SPTBN5: variants seen among roughly 807,000 people sequenced by gnomAD.
SPTBN5 encodes spectrin beta chain, non-erythrocytic 5.
A neutral mutation model predicts 477.6 loss-of-function variants in SPTBN5; 513 were observed. That is an observed-to-expected ratio of 1.07 (90% CI 1.00 to 1.16). The LOEUF is 1.16. SPTBN5 is among the 50% of genes most tolerant of loss of function. The pLI is 0.00. For missense variants in SPTBN5, 5,062 were observed against 4,731.8 expected, an observed-to-expected ratio of 1.07 and a Z score of -2.05; for synonymous variants, 2,169 against 2,011.7, an observed-to-expected ratio of 1.08 and a Z score of -2.09.
chr15:41,866,655 G>A (rs2066327446), intron 36 of SPTBN5, 162 bp from the exon 37 acceptor site: 2 of 906,832 alleles, frequency 2.2e-6, no homozygotes, highest in Admixed American at 3.4e-5. Flanking sequence ...GGTTGCTGCA[G>A]GAGGCAGCCG....
chr15:41,886,974 C>T (rs904665107), intron 6 of SPTBN5, among the ~76,000 whole-genome samples: 3 of 152,262 alleles, frequency 2.0e-5, no homozygotes, highest in Admixed American at 1.3e-4. Context: ...AGGGCCATTC[C>T]TCCCCTGGCT....
Position 41,854,044 on chromosome 15 carries a change from C to A in SPTBN5, c.9774+6G>T. The A allele has an allele frequency of 6.4e-7, 1 of 1,556,974 alleles. No individual in the cohort carries two copies. Among genetic ancestry groups the A allele is most frequent in the Non-Finnish European group, 8.7e-7 (1 of 1,155,326 alleles). ...AGACAGGCAGGCTGCAGGGCGTGGG[C>A]CTCACCTCCAGGCGCCTGTGCTGTT... On this transcript the variant is annotated splice_donor_region_variant and intron_variant, in intron 57 of 67. Transcript: ENST00000320955.
rs1291938417 is a variant in SPTBN5, at chr15:41,866,191, G to A, written c.6669C>T (p.Ala2223=). Residue 2223 remains alanine (A), a synonymous_variant, in exon 38 of 68, where the codon GCC becomes GCT. Transcript: ENST00000320955. ...EALLAQSHPR[A]GEVSQRLQGL... is the part of the protein sequence containing the mutation. ...CCTGCAGCCGCTGGGAGACCTCTCC[G>A]GCTCGAGGGTGACTCTGTGCCAGGA... is the stretch of plus-strand genomic sequence containing the variant. The A allele has an allele frequency of 8.2e-6, 13 of 1,580,242 alleles. No individual in the cohort carries two copies. Among genetic ancestry groups the A allele is most frequent in the Middle Eastern group, 3.3e-4 (2 of 6,030 alleles).
rs1230662376 is a variant in SPTBN5, at chr15:41,893,011, G to C, written c.267C>G (p.His89Gln). 1.2e-6 allele frequency: 2 copies of C among 1,611,228 alleles called. No individual in the cohort carries two copies. Among genetic ancestry groups the C allele is most frequent in the Non-Finnish European group, 8.5e-7 (1 of 1,179,784 alleles). ...NLYTELADGI[H>Q]LLRLLELISG... The stretch of plus-strand genomic sequence containing the variant: ...AGATGAGCTCCAGCAGCCGCAGGAG[G>C]TGGATGCCGTCAGCCAGCTCTGTGT... The change falls in exon 3 of 68, where the codon CAC becomes CAG. Residue 89 changes from histidine (H) to glutamine (Q), a missense_variant. His to Gln is a conservative substitution (Grantham distance 24). Transcript: ENST00000320955.
chr15:41,852,710 A>C lies in SPTBN5; in HGVS notation c.10373T>G (p.Leu3458Arg), dbSNP rs2065806876. The C allele has an allele frequency of 6.2e-7, 1 of 1,613,318 alleles. No individual in the cohort carries two copies. Among genetic ancestry groups the C allele is most frequent in the East Asian group, 2.2e-5 (1 of 44,878 alleles). Reference protein sequence around the residue: ...YGHSVSDVELLLHRHQDLEKL... With the variant: ...YGHSVSDVELRLHRHQDLEKL... The stretch of plus-strand genomic sequence containing the variant: ...TTCTAAGTCCTGGTGTCTGTGCAGC[A>C]GCAACTCCACATCTGACACTGAGTG... The change falls in exon 61 of 68, where the codon CTG becomes CGG. Residue 3458 changes from leucine (L) to arginine (R), a missense_variant. Physicochemically the swap from Leu to Arg is moderately radical, Grantham distance 102 (BLOSUM62 -2). Transcript: ENST00000320955.
intron 9 of SPTBN5, 126 bp downstream of exon 9, chr15:41,882,870 A>T: frequency 1.5e-6 from 2 of 1,366,782 alleles, no homozygotes; most frequent in East Asian, 2.5e-5. Flanking sequence ...GGTGAGACGG[A>T]GGCTTTGGAA....
In SPTBN5 at chr15:41,876,665, G is replaced by C; in HGVS notation, c.3852-18C>G. The stretch of plus-strand genomic sequence containing the variant: ...CTCTGACCCTGGAGGGCGGGGGGGG[G>C]TTGGAGGAGGGCATGGGAGAGGACT... On this transcript the variant is annotated intron_variant, in intron 19 of 67. Coordinates refer to ENST00000320955, the MANE Select transcript of SPTBN5 (RefSeq NM_016642.4). 3.1e-6 allele frequency: 4 copies of C among 1,292,940 alleles called. No individual in the cohort carries two copies. The highest frequency in any genetic ancestry group is 4.4e-6 in the Non-Finnish European group (4 of 904,826). The allele number at this position is 1,292,940 out of a possible 1,614,324, so 80.1% of individuals were successfully genotyped here. A position where few individuals can be genotyped will look rare whatever the true frequency, so the allele number is the denominator to read the frequency against.
chr15:41,855,796 C>G, intron 53 of SPTBN5, 51 bp from the exon 54 acceptor site: 6 of 1,468,550 alleles, frequency 4.1e-6, no homozygotes, highest in Non-Finnish European at 5.4e-6. Flanking sequence ...CTCCAGGGCT[C>G]AGGATTTACA....
Position 41,852,860 on chromosome 15 carries a change from G to A in SPTBN5, c.10311C>T (p.Ala3437=), listed in dbSNP as rs915811857. Residue 3437 remains alanine, a synonymous_variant, in exon 60 of 68, where the codon GCC becomes GCT. Transcript: ENST00000320955. The stretch of plus-strand genomic sequence containing the variant: ...GCTTCAGCAGGAGTCCCTCCCAGCA[G>A]GCCAGCCAGGCCTCAGCCTGCTCCA... ...QRLEQAEAWL[A]CWEGLLLKPD... 22 of 1,607,618 alleles carry A rather than the reference G, an allele frequency of 1.4e-5. No homozygotes were observed. The highest frequency in any genetic ancestry group is 1.8e-5 in the Non-Finnish European group (21 of 1,176,298).
intron 41 of SPTBN5, 46 bp downstream of exon 41, chr15:41,863,658 C>A (rs749923646): frequency 3.3e-6 from 5 of 1,495,040 alleles, no homozygotes; most frequent in Non-Finnish European, 4.6e-6. Flanking sequence ...CCTCCCCTGA[C>A]TGCATTTGCT....
intron 20 of SPTBN5, 58 bp downstream of exon 20, chr15:41,876,490 T>C: frequency 2.7e-6 from 4 of 1,472,068 alleles, no homozygotes; most frequent in East Asian, 4.9e-5. Context: ...CAGAGCTCTG[T>C]ACGGTCTCAG....
chr15:41,873,609 C>T lies in SPTBN5; in HGVS notation c.4891-1G>A. On this transcript the variant is annotated splice_acceptor_variant, in intron 25 of 67. Coordinates refer to ENST00000320955, the MANE Select transcript of SPTBN5 (RefSeq NM_016642.4). LOFTEE classifies it high-confidence loss of function. ...CCAGCTCTGACACATCCAGAAAGTA[C>T]TGCCAAGAGTGGGGCCAACTCACCT... 6.4e-7 allele frequency: 1 copy of T among 1,551,012 alleles called. No homozygotes were observed. The highest frequency in any genetic ancestry group is 8.7e-7 in the Non-Finnish European group (1 of 1,146,860).
chr15:41,863,921 T>C lies in SPTBN5; in HGVS notation c.7022A>G (p.Gln2341Arg). 1 of 1,613,886 alleles carries C rather than the reference T, an allele frequency of 6.2e-7. No individual in the cohort carries two copies. Among genetic ancestry groups the C allele is most frequent in the African/African-American group, 1.3e-5 (1 of 75,062 alleles). Residue 2341 changes from glutamine to arginine, a missense_variant, in exon 40 of 68, where the codon CAG becomes CGG. Gln to Arg is a conservative substitution (Grantham distance 43). Transcript: ENST00000320955. ...GCCTGGGACTGGCCTGTTGTTGAGCTGGCTTCGCCGCTGGCAGATGATCTT... is the reference window on the plus strand; with the variant it reads ...GCCTGGGACTGGCCTGTTGTTGAGCCGGCTTCGCCGCTGGCAGATGATCTT... ...EVKIICQRRS[Q>R]LNNRWASFHG...
At chr15:41,860,450 C>G in intron 47 of SPTBN5, 136 bp downstream of exon 47, 5 of 966,754 alleles carry the variant, frequency 5.2e-6, no homozygotes, top group Middle Eastern at 7.3e-4. Flanking sequence ...TGGGGACCCC[C>G]GGCATCTGAC....
rs2066136046 is a variant in SPTBN5 at position 41,862,240 on chromosome 15, G to A, written c.7438C>T (p.Gln2480Ter). ...HQAQKLQAML[Q>*]ELLVSAQRLR... Reference sequence around the variant, plus strand: ...CTCTGGGCGCTGACCAGCAATTCCTGCAGCATTGCCTGGAGTTTCTGAGCT... The same window carrying A: ...CTCTGGGCGCTGACCAGCAATTCCTACAGCATTGCCTGGAGTTTCTGAGCT... Residue 2480 changes from glutamine (Q) to a stop codon, truncating the protein, a stop_gained, in exon 44 of 68, where the codon CAG becomes TAG. Transcript: ENST00000320955. LOFTEE classifies it high-confidence loss of function. The A allele has an allele frequency of 6.2e-7, 1 of 1,611,272 alleles. No individual in the cohort carries two copies. The highest frequency in any genetic ancestry group is 8.5e-7 in the Non-Finnish European group (1 of 1,179,032).
Position 41,851,123 on chromosome 15 carries a change from G to C in SPTBN5, c.10771C>G (p.Leu3591Val). The change falls in exon 65 of 68, where the codon CTC becomes GTC. Residue 3591 changes from leucine to valine, a missense_variant. Physicochemically the swap from Leu to Val is conservative, Grantham distance 32. Coordinates refer to ENST00000320955, the MANE Select transcript of SPTBN5 (RefSeq NM_016642.4). ...AGCCTCTCACACCGGGCTCCCGTGA[G>C]GTCAAGGAGGGCTATGGAAGCTACT... is the stretch of plus-strand genomic sequence containing the variant. ...EKVASIALLD[L>V]TGARCERLRG... 1 of 1,613,290 alleles carries C rather than the reference G, an allele frequency of 6.2e-7. No homozygotes were observed. Among genetic ancestry groups the C allele is most frequent in the Non-Finnish European group, 8.5e-7 (1 of 1,179,816 alleles).
chr15:41,854,798 A>T lies in SPTBN5; in HGVS notation c.9602T>A (p.Ile3201Lys), dbSNP rs756654495. ...EAAWERLDQA[I>K]KARTENLAAA... is the part of the protein sequence containing the mutation. ...ATCACCTACCTCTGTGCGGGCTTTTATTGCTTGGTCCAACCTCTCCCAAGC... is the reference window on the plus strand; with the variant it reads ...ATCACCTACCTCTGTGCGGGCTTTTTTTGCTTGGTCCAACCTCTCCCAAGC... The change falls in exon 56 of 68, where the codon ATA (isoleucine) becomes AAA (lysine). Residue 3201 changes from isoleucine to lysine, a missense_variant. Ile to Lys is a moderately radical substitution (Grantham distance 102, BLOSUM62 -3). Transcript: ENST00000320955. 9.7e-6 allele frequency: 15 copies of T among 1,547,974 alleles called. No individual in the cohort carries two copies. In the Admixed American group the frequency reaches 3.1e-4, roughly 32 times the overall value.
intron 34 of SPTBN5, 27 bp downstream of exon 34, chr15:41,868,042 G>C (rs754971224): frequency 6.3e-7 from 1 of 1,581,892 alleles, no homozygotes; most frequent in South Asian, 1.1e-5. Context: ...GAGGCTGAGC[G>C]GAGTGTGAGG....
rs528038832 is a variant in SPTBN5, at chr15:41,890,103, T to A, written c.487A>T (p.Ile163Phe). Residue 163 changes from isoleucine to phenylalanine, a missense_variant, in exon 4 of 68, where the codon ATC becomes TTC. By Grantham distance (21) the Ile-to-Phe change is conservative (BLOSUM62 0). Transcript: ENST00000320955. ...CTGAGCCATACCTTGTCCAAGGAGA[T>A]GTGGGAGATCTGGAAACGCAGAATG... ...VIILRFQISH[I>F]SLDKEEFGAS... The A allele has an allele frequency of 1.2e-6, 2 of 1,610,664 alleles. No homozygotes were observed. Among genetic ancestry groups the A allele is most frequent in the East Asian group, 4.5e-5 (2 of 44,802 alleles).
Sources: gnomAD v4.1 joint callset for allele counts (sites outside exome capture counted in the v4.1 genomes callset) on GRCh38, gnomAD v4.1.1 for gene constraint, MANE v1.5 for transcripts, NCBI Gene and HGNC (gene_info 2026-07-23, HGNC 2026-07-21) for gene names.